LUC7L2: variants seen among roughly 807,000 people sequenced by gnomAD.
LUC7L2 encodes LUC7 like 2, pre-mRNA splicing factor.
A neutral mutation model predicts 52.8 loss-of-function variants in LUC7L2; 25 were observed. That is an observed-to-expected ratio of 0.47 (90% CI 0.34 to 0.66). LUC7L2 has a LOEUF of 0.66. LUC7L2 is among the 30% of genes least tolerant of loss of function. The pLI, the probability that LUC7L2 is intolerant of heterozygous loss-of-function variation, is 0.01. For synonymous variants in LUC7L2, 144 were observed against 160.9 expected, an observed-to-expected ratio of 0.89 and a Z score of 0.80; for missense variants, 328 against 497.8, an observed-to-expected ratio of 0.66 and a Z score of 3.25.
intron 8 of LUC7L2, among the ~76,000 whole-genome samples, chr7:139,414,651 C>G (rs1041112922): frequency 2.6e-5 from 4 of 152,186 alleles, no homozygotes; most frequent in Non-Finnish European, 5.9e-5. Flanking sequence ...CTTCCTTTTG[C>G]TCACTTCATT....
chr7:139,422,094 T>C (rs1246876309), intron 9 of LUC7L2, 69 bp from the exon 10 acceptor site: 2 of 1,522,134 alleles, frequency 1.3e-6, no homozygotes, highest in Non-Finnish European at 1.8e-6. Flanking sequence ...GCTTAATATT[T>C]ATCCTATTCT....
At chr7:139,386,939 A>G in intron 2 of LUC7L2, among the ~76,000 whole-genome samples, 1 of 151,948 alleles carries the variant, frequency 6.6e-6, no homozygotes, top group East Asian at 1.9e-4. Flanking sequence ...TTCTGGGTTC[A>G]AGCGATTCTC....
At chr7:139,405,551 A>G (rs1795082585) in intron 4 of LUC7L2, 93 bp from the exon 5 acceptor site, 1 of 1,429,774 alleles carries the variant, frequency 7.0e-7, no homozygotes, top group South Asian at 1.5e-5. Context: ...ACTGCCTTAG[A>G]TAACAAGTTT....
upstream of LUC7L2, among the ~76,000 whole-genome samples, chr7:139,356,314 CAAAAAAAA>C (rs10524961): frequency 6.0e-5 from 5 of 82,968 alleles, no homozygotes; most frequent in East Asian, 1.5e-3. Context: ...GACCCTATCT[CAAAAAAAA>C]AAAAAAAAAA....
At chr7:139,371,433 A>AC (rs1446771744) in intron 1 of LUC7L2, 1 of 1,513,136 alleles carries the variant, frequency 6.6e-7, no homozygotes, top group Non-Finnish European at 9.0e-7. Context: ...CTCACAGCTT[A>AC]AAAAAATACA....
upstream of LUC7L2, chr7:139,359,831 A>T (rs1799764310): frequency 4.9e-6 from 2 of 406,574 alleles, no homozygotes; most frequent in Non-Finnish European, 8.7e-6. Context: ...GGGCGGAGTG[A>T]TACAGCTGGA....
In LUC7L2 at chr7:139,348,193, TATA is replaced by T. The variant is rs564066344; in HGVS notation, c.-26+7679_-26+7681del. Among the ~76,000 whole-genome samples the T allele has an allele frequency of 2.6e-3, 388 of 147,724 alleles. 1 individual carries two copies. Among genetic ancestry groups the T allele is most frequent in the African/African-American group, 9.3e-3 (363 of 39,140 alleles). On this transcript the variant is annotated intron_variant, in intron 1 of 10. Coordinates refer to the LUC7L2 transcript ENST00000541170. ...ATATACAATATTATATACAATAATA[TATA>T]ATGTTTTTCCTTTTTTTTTTAATAG...
At chr7:139,355,863 G>T (rs1319087551), upstream of LUC7L2, among the ~76,000 whole-genome samples, 1 of 152,166 alleles carries the variant, frequency 6.6e-6, no homozygotes, top group African/African-American at 2.4e-5. Flanking sequence ...TTAGTTAATG[G>T]ATTCTCAATG....
intron 4 of LUC7L2, among the ~76,000 whole-genome samples, chr7:139,403,147 AT>A (rs1794989809): frequency 1.3e-5 from 2 of 152,160 alleles, no homozygotes; most frequent in South Asian, 4.1e-4. Context: ...ATACCACAGT[AT>A]TTTTATTTGC....
At chr7:139,370,120 T>C (rs1171577440) in intron 1 of LUC7L2, among the ~76,000 whole-genome samples, 2 of 152,232 alleles carry the variant, frequency 1.3e-5, no homozygotes, top group African/African-American at 4.8e-5. Flanking sequence ...GCATCTGTAT[T>C]ATTATGTTAA....
intron 2 of LUC7L2, among the ~76,000 whole-genome samples, chr7:139,387,316 CCCGAGTAGCTGGGACTGCAGGCG>C (rs1388443488): frequency 6.6e-6 from 1 of 151,986 alleles, no homozygotes; most frequent in Non-Finnish European, 1.5e-5. Context: ...GCCTCAGCCT[CCCGAGTAGCTGGGACTGCAGGCG>C]CCTGCCACCA....
chr7:139,407,297 G>A lies in LUC7L2; in HGVS notation c.634G>A (p.Gly212Ser). ...NDRRLADHFG[G>S]KLHLGFIEIR... The stretch of plus-strand genomic sequence containing the variant: ...CAGACGACTGGCTGATCATTTTGGG[G>A]GTAAACTGCACCTGGGATTTATTGA... The change falls in exon 6 of 10, where the codon GGT becomes AGT. Residue 212 changes from glycine to serine, a missense_variant. Physicochemically the swap from Gly to Ser is moderately conservative, Grantham distance 56. This residue lies in a region of LUC7L2 where 133 missense variants were observed against 274.4 expected (regional missense o/e 0.48). Coordinates refer to ENST00000354926, the MANE Select transcript of LUC7L2 (RefSeq NM_016019.5). The A allele has an allele frequency of 6.2e-7, 1 of 1,607,370 alleles. No homozygotes were observed. The highest frequency in any genetic ancestry group is 8.5e-7 in the Non-Finnish European group (1 of 1,175,950).
At chr7:139,379,392 A>G (rs1800872718) in intron 2 of LUC7L2, among the ~76,000 whole-genome samples, 1 of 151,746 alleles carries the variant, frequency 6.6e-6, no homozygotes, top group Non-Finnish European at 1.5e-5. Flanking sequence ...CTCATTATAA[A>G]GAGGTTGGAA....
In LUC7L2 at chr7:139,360,042, G is replaced by A; in HGVS notation, c.-220G>A. ...ACCGGACGGAGAGTGAGGGCACGAG[G>A]GTCGCTGTCGGGGGCTGTCGTCTTC... On this transcript the variant is annotated 5_prime_UTR_variant, in exon 1 of 10. Transcript: ENST00000354926. 7.5e-6 allele frequency: 4 copies of A among 533,940 alleles called. No individual in the cohort carries two copies. The highest frequency in any genetic ancestry group is 4.6e-5 in the South Asian group (2 of 43,412). 33.1% of individuals were successfully genotyped at this position (533,940 alleles called of 1,614,324 possible).
In LUC7L2 at chr7:139,360,172, C is replaced by A; in HGVS notation, c.-90C>A. On this transcript the variant is annotated 5_prime_UTR_variant, in exon 1 of 10. Coordinates refer to ENST00000354926, the MANE Select transcript of LUC7L2 (RefSeq NM_016019.5). Reference sequence around the variant, plus strand: ...GGCGGCGGCCACCGAGACAGCAGCGCACCTTCCCCCATCCCTTCCCCTTAT... The same window carrying A: ...GGCGGCGGCCACCGAGACAGCAGCGAACCTTCCCCCATCCCTTCCCCTTAT... 1 of 990,490 alleles carries A rather than the reference C, an allele frequency of 1.0e-6. No individual in the cohort carries two copies. The highest frequency in any genetic ancestry group is 1.5e-5 in the South Asian group (1 of 68,824). The allele number at this position is 990,490 out of a possible 1,614,324, so 61.4% of individuals were successfully genotyped here.
In LUC7L2 at chr7:139,406,430, G is replaced by A. The variant is rs563049838; in HGVS notation, c.510+643G>A. Reference sequence around the variant, plus strand: ...TGTAGTGGTGCGATCTCAGCTCACTGAAACCTCTGCTTCCTGGGTTCAGGC... The same window carrying A: ...TGTAGTGGTGCGATCTCAGCTCACTAAAACCTCTGCTTCCTGGGTTCAGGC... On this transcript the variant is annotated intron_variant, in intron 5 of 9. Coordinates refer to ENST00000354926, the MANE Select transcript of LUC7L2 (RefSeq NM_016019.5). 2.0e-5 allele frequency among the ~76,000 whole-genome samples: 3 copies of A among 148,412 alleles called. No homozygotes were observed. The East Asian group carries it at 6.0e-4, about 30-fold the overall frequency.
chr7:139,404,682 G>T (rs559548083), intron 4 of LUC7L2, among the ~76,000 whole-genome samples: 3 of 152,320 alleles, frequency 2.0e-5, no homozygotes, highest in African/African-American at 7.2e-5. Flanking sequence ...GAAGAGGAAC[G>T]TATTCTTTCC....
chr7:139,408,651 GGCCAATATGGTGAAATCCT>G lies in LUC7L2; in HGVS notation c.688-910_688-892del, dbSNP rs544849721. 2.4e-4 allele frequency among the ~76,000 whole-genome samples: 37 copies of G among 152,102 alleles called. No homozygotes were observed. The South Asian group carries it at 4.6e-3, about 19-fold the overall frequency. On this transcript the variant is annotated intron_variant, in intron 6 of 9. Transcript: ENST00000354926. ...AAGGTCAGGAGTTCGAGACCAGTCT[GGCCAATATGGTGAAATCCT>G]GTCTCTACTAAAAATATAAAAATTA... is the stretch of plus-strand genomic sequence containing the variant.
At chr7:139,409,711 T>A in intron 7 of LUC7L2, 57 bp downstream of exon 7, 1 of 1,481,108 alleles carries the variant, frequency 6.8e-7, no homozygotes, top group Non-Finnish European at 9.0e-7. Flanking sequence ...TAAAAAGAGA[T>A]ATAATTGATT....
Sources: allele counts gnomAD v4.1 joint callset (sites outside exome capture counted in the v4.1 genomes callset), GRCh38; gene constraint gnomAD v4.1.1; regional missense constraint gnomAD v4.1.1; transcripts MANE v1.5; gene names NCBI Gene and HGNC (gene_info 2026-07-23, HGNC 2026-07-21).